Variants in MUC13 observed in about 807,000 individuals in gnomAD.
MUC13 encodes the protein mucin-13.
A neutral mutation model predicts 48.3 loss-of-function variants in MUC13; 32 were observed. That is an observed-to-expected ratio of 0.66 (90% CI 0.50 to 0.89). The LOEUF is 0.89. Ranked by LOEUF, MUC13 falls within the 40% of genes least tolerant of loss-of-function variation. The probability of loss-of-function intolerance (pLI) is 0.00; values close to 1 mark genes in which losing one functional copy is unlikely to be tolerated. For missense variants in MUC13, 571 were observed against 622.8 expected, an observed-to-expected ratio of 0.92 and a Z score of 0.88; for synonymous variants, 199 against 224.9, an observed-to-expected ratio of 0.88 and a Z score of 1.03.
At chr3:124,933,840 G>T (rs973245665) in intron 1 of MUC13, among the ~76,000 whole-genome samples, 1 of 152,054 alleles carries the variant, frequency 6.6e-6, no homozygotes, top group African/African-American at 2.4e-5. Flanking sequence ...AAGCCAATTG[G>T]CCTCCACAAC....
At chr3:124,913,724 T>C (rs746711417) in intron 6 of MUC13, 43 bp from the exon 7 acceptor site, 3 of 1,612,102 alleles carry the variant, frequency 1.9e-6, no homozygotes, top group Admixed American at 1.7e-5. Flanking sequence ...AGCATGACAA[T>C]ATGGATAAGG....
chr3:124,909,418 T>C (rs893923323), intron 10 of MUC13, among the ~76,000 whole-genome samples: 2 of 152,020 alleles, frequency 1.3e-5, no homozygotes, highest in Non-Finnish European at 2.9e-5. Flanking sequence ...CTAGTGCCCC[T>C]TCCTTAAGAG....
intron 6 of MUC13, 83 bp downstream of exon 6, chr3:124,916,234 C>T (rs961000702): frequency 9.5e-7 from 1 of 1,049,590 alleles, no homozygotes; most frequent in South Asian, 1.5e-5. Flanking sequence ...GTTCTTGTCT[C>T]CTTTTCACAT....
chr3:124,905,849 G>A lies in MUC13; in HGVS notation c.*894C>T, dbSNP rs1030564908. On this transcript the variant is annotated 3_prime_UTR_variant, in exon 12 of 12. Transcript: ENST00000616727. ...TTAAACCTTCTCCCAGCCAGTCTTC[G>A]GGAGGGCATGATTAGAGAAGTGCTC... 5.9e-5 allele frequency: 9 copies of A among 152,302 alleles called. No individual in the cohort carries two copies. The highest frequency in any genetic ancestry group is 1.4e-4 in the African/African-American group (6 of 41,416). 9.4% of individuals were successfully genotyped at this position (152,302 alleles called of 1,614,324 possible). A position where few individuals can be genotyped will look rare whatever the true frequency, so the allele number is the denominator to read the frequency against.
At chr3:124,908,951 C>T (rs1371548090) in intron 10 of MUC13, among the ~76,000 whole-genome samples, 2 of 152,004 alleles carry the variant, frequency 1.3e-5, no homozygotes, top group African/African-American at 2.4e-5. Context: ...GCCAGGAGTT[C>T]GAGACCAGCC....
chr3:124,909,486 G>A (rs62267674), intron 10 of MUC13, among the ~76,000 whole-genome samples: 19 of 8,730 alleles, frequency 2.2e-3, no homozygotes, highest in Non-Finnish European at 5.0e-3. Context: ...GTGTGCTTGC[G>A]TGTGTGTGTG....
At position 124,918,040 on chromosome 3, in the gene MUC13, G is replaced by A. The variant is rs13084208; in HGVS notation, c.801-1560C>T. ...GGGCACTAGGCTTGGAGTTAAGACA[G>A]GAGGTCCGGACCCTTGTGGCCCGAG... On this transcript the variant is annotated intron_variant, in intron 5 of 11. Transcript: ENST00000616727. Among the ~76,000 whole-genome samples, 800 of 152,312 alleles carry A rather than the reference G, an allele frequency of 5.3e-3. 7 individuals are homozygous for A. The highest frequency in any genetic ancestry group is 7.5e-3 in the Non-Finnish European group (508 of 68,042).
At chr3:124,923,389 C>T (rs1388383554) in intron 3 of MUC13, 138 bp downstream of exon 3, 12 of 864,728 alleles carry the variant, frequency 1.4e-5, no homozygotes, top group African/African-American at 5.1e-5. Context: ...CTTTTCTCTA[C>T]TTTGCTGGCC....
Position 124,914,787 on chromosome 3 carries a change from G to A in MUC13, c.965-1106C>T, listed in dbSNP as rs74426981. 4.5e-3 allele frequency among the ~76,000 whole-genome samples: 681 copies of A among 152,166 alleles called. 28 individuals are homozygous for A. In the East Asian group the frequency reaches 0.11, roughly 25 times the overall value. ...CTAAAAATACAAAAATTAGCTGGGC[G>A]TGGTGGCACATGCCTATAATCCCAG... is the stretch of plus-strand genomic sequence containing the variant. On this transcript the variant is annotated intron_variant, in intron 6 of 11. Coordinates refer to ENST00000616727, the MANE Select transcript of MUC13 (RefSeq NM_033049.4).
At position 124,908,171 on chromosome 3, in the gene MUC13, G is replaced by T; in HGVS notation, c.1515C>A (p.Ser505Arg). The T allele has an allele frequency of 6.2e-7, 1 of 1,614,196 alleles. No homozygotes were observed. The highest frequency in any genetic ancestry group is 8.5e-7 in the Non-Finnish European group (1 of 1,180,040). ...SQMQNPYSRH[S>R]SMPRPDY ...CCTAATAGTCAGGGCGGGGCATGCT[G>T]CTGTGTCTTGAATAGGGATTTTGCA... is the stretch of plus-strand genomic sequence containing the variant. Residue 505 changes from serine to arginine, a missense_variant, in exon 11 of 12, where the codon AGC becomes AGA. Transcript: ENST00000616727.
At chr3:124,925,120 T>A (rs1223638576) in intron 2 of MUC13, among the ~76,000 whole-genome samples, 1 of 152,190 alleles carries the variant, frequency 6.6e-6, no homozygotes, top group African/African-American at 2.4e-5. Flanking sequence ...AACTGGTACA[T>A]CTAGACAATG....
At position 124,927,390 on chromosome 3, in the gene MUC13, G is replaced by A. The variant is rs930470848; in HGVS notation, c.514+142C>T. On this transcript the variant is annotated intron_variant, in intron 2 of 11. Coordinates refer to ENST00000616727, the MANE Select transcript of MUC13 (RefSeq NM_033049.4). The stretch of plus-strand genomic sequence containing the variant: ...TCTGCTGTCACTACATTGTGACACA[G>A]ATTTCAAGCCCACAGTTCATTTCCA... 1.7e-5 allele frequency: 13 copies of A among 742,914 alleles called. No individual in the cohort carries two copies. In the East Asian group the frequency reaches 3.5e-4, roughly 20 times the overall value. 46.0% of individuals were successfully genotyped at this position (742,914 alleles called of 1,614,324 possible). A position where few individuals can be genotyped will look rare whatever the true frequency, so the allele number is the denominator to read the frequency against.
At chr3:124,912,188 G>T (rs1935431096) in intron 8 of MUC13, 47 bp from the exon 9 acceptor site, 2 of 1,603,590 alleles carry the variant, frequency 1.2e-6, no homozygotes, top group African/African-American at 1.3e-5. Context: ...AGCCCCTGTG[G>T]GGAGCATGTC....
intron 9 of MUC13, 68 bp from the exon 10 acceptor site, chr3:124,910,567 C>T (rs1320201784): frequency 1.7e-5 from 27 of 1,590,328 alleles, no homozygotes; most frequent in Non-Finnish European, 2.1e-5. Context: ...TGCACAGGTT[C>T]GTGTATTCCC....
chr3:124,919,846 G>A (rs577118077), intron 5 of MUC13, among the ~76,000 whole-genome samples: 2 of 152,272 alleles, frequency 1.3e-5, no homozygotes, highest in East Asian at 3.9e-4. Context: ...TGCCATATGA[G>A]GGAAGAGATG....
intron 2 of MUC13, among the ~76,000 whole-genome samples, chr3:124,925,936 A>T (rs531250792): frequency 7.9e-5 from 12 of 152,196 alleles, no homozygotes; most frequent in Non-Finnish European, 1.5e-4. Context: ...TTTTTTAAAG[A>T]GAAAAAAAAT....
chr3:124,917,282 C>T (rs776309223), intron 5 of MUC13, among the ~76,000 whole-genome samples: 5 of 151,992 alleles, frequency 3.3e-5, no homozygotes, highest in Non-Finnish European at 7.4e-5. Context: ...TCTGATTTGT[C>T]GCTCTGTGCT....
At position 124,912,952 on chromosome 3, in the gene MUC13, A is replaced by C. The variant is rs1392352028; in HGVS notation, c.1214+159T>G. 4.0e-5 allele frequency among the ~76,000 whole-genome samples: 6 copies of C among 151,838 alleles called. No homozygotes were observed. In the East Asian group the frequency reaches 5.8e-4, roughly 15 times the overall value. ...CTCCATCTCAAAAAAAAAAAAAAAAAAAAAAACTATTGATGATGACAATGA... is the reference window on the plus strand; with the variant it reads ...CTCCATCTCAAAAAAAAAAAAAAAACAAAAAACTATTGATGATGACAATGA... On this transcript the variant is annotated intron_variant, in intron 8 of 11. Transcript: ENST00000616727.
chr3:124,930,863 T>G (rs1428844046), intron 1 of MUC13, among the ~76,000 whole-genome samples: 1 of 152,202 alleles, frequency 6.6e-6, no homozygotes, highest in African/African-American at 2.4e-5. Flanking sequence ...AGTCCTAGTC[T>G]CTCAGAGAAA....
Sources: gnomAD v4.1 joint callset for allele counts (sites outside exome capture counted in the v4.1 genomes callset) on GRCh38, gnomAD v4.1.1 for gene constraint, MANE v1.5 for transcripts, NCBI Gene and HGNC (gene_info 2026-07-23, HGNC 2026-07-21) for gene names.